Variants in PIDD1 observed in about 807,000 individuals in gnomAD.
PIDD1 encodes the protein p53-induced death domain protein 1.
A neutral mutation model predicts 80.0 loss-of-function variants in PIDD1; 72 were observed. The ratio of observed to expected loss-of-function variants is 0.90; its 90% CI spans 0.74 to 1.09. The LOEUF (loss-of-function observed/expected upper bound fraction) is 1.09, where lower values mean the gene tolerates loss of function less well. PIDD1 is among the 50% of genes least tolerant of loss of function. The pLI is 0.00. For synonymous variants in PIDD1, 655 were observed against 543.5 expected (o/e 1.21, Z -2.85); for missense variants, 1,329 against 1,228.3 (o/e 1.08, Z -1.23).
At chr11:801,178 A>C (rs1342879401) in intron 9 of PIDD1, 40 bp downstream of exon 9, 1 of 1,544,566 alleles carries the variant, frequency 6.5e-7, no homozygotes, top group Non-Finnish European at 8.8e-7. Context: ...CCTCCACCCT[A>C]TGGCCACAGG....
Position 799,909 on chromosome 11 carries a change from T to A in PIDD1, c.2380A>T (p.Ser794Cys), listed in dbSNP as rs1440463494. 1.2e-6 allele frequency: 2 copies of A among 1,612,576 alleles called. No individual in the cohort carries two copies. The highest frequency in any genetic ancestry group is 1.7e-6 in the Non-Finnish European group (2 of 1,179,868). ...TCCAGACCCAGACGCCCAGCCACAC[T>A]CAGCAGGTTGCTCTGCGTCAGAAAG... ...TGFLTQSNLL[S>C]VAGRLGLDWP... Residue 794 changes from serine to cysteine, a missense_variant, in exon 15 of 16, where the codon AGT becomes TGT. Ser to Cys is a moderately radical substitution (Grantham distance 112). Transcript: ENST00000347755.
rs372092455 is a variant in PIDD1, at chr11:803,154, G to A, written c.709+20C>T. 6 of 1,541,880 alleles carry A rather than the reference G, an allele frequency of 3.9e-6. No homozygotes were observed. The African/African-American group carries it at 6.8e-5, about 18-fold the overall frequency. On this transcript the variant is annotated intron_variant, in intron 3 of 15. Transcript: ENST00000347755. Reference sequence around the variant, plus strand: ...GACCCTCCCGTGGGGCCAGTGTGTCGGGGCGCAGGGGCTACTCACCCAGAG... The same window carrying A: ...GACCCTCCCGTGGGGCCAGTGTGTCAGGGCGCAGGGGCTACTCACCCAGAG...
chr11:805,625 A>C, upstream of PIDD1: 2 of 985,372 alleles, frequency 2.0e-6, no homozygotes, highest in Non-Finnish European at 2.4e-6. Context: ...CCCCTGCTAC[A>C]AGCCGGAACA....
upstream of PIDD1, among the ~76,000 whole-genome samples, chr11:806,829 C>T (rs1045714208): frequency 5.9e-5 from 9 of 152,150 alleles, no homozygotes; most frequent in African/African-American, 2.2e-4. Context: ...GTGATCCACC[C>T]GCCTCGGCCT....
chr11:799,407 C>T lies in PIDD1; in HGVS notation c.2633G>A (p.Arg878His), dbSNP rs779799557. The T allele has an allele frequency of 5.0e-6, 8 of 1,611,616 alleles. No individual in the cohort carries two copies. The highest frequency in any genetic ancestry group is 3.3e-5 in the South Asian group (3 of 91,084). The change falls in exon 16 of 16, where the codon CGC becomes CAC. Residue 878 changes from arginine to histidine, a missense_variant. Coordinates refer to ENST00000347755, the MANE Select transcript of PIDD1 (RefSeq NM_145886.4). ...GCGTCGGATGCTGTCCTGGTACTTG[C>T]GGCGGCCGAGCTCCAAGACTGCGCG... ...EVRAVLELGR[R>H]KYQDSIRRMG...
upstream of PIDD1, among the ~76,000 whole-genome samples, chr11:807,078 G>GGCGC (rs1019755799): frequency 2.0e-5 from 3 of 152,046 alleles, no homozygotes; most frequent in Admixed American, 1.3e-4. Context: ...TGTAATCCCA[G>GGCGC]CTACTGGGGA....
Position 804,197 on chromosome 11 carries a change from C to T in PIDD1, c.192G>A (p.Val64=). ...CGTGAGTGCTCAGACGCAAGAATTC[C>T]ACCTGCAGCAGCTGCAGAGGCTGCT... is the stretch of plus-strand genomic sequence containing the variant. ...CVQQPLQLLQ[V]EFLRLSTHED... Residue 64 remains valine (V), a synonymous_variant, in exon 2 of 16, where the codon GTG becomes GTA. Coordinates refer to ENST00000347755, the MANE Select transcript of PIDD1 (RefSeq NM_145886.4). The T allele has an allele frequency of 1.2e-6, 2 of 1,613,324 alleles. No individual in the cohort carries two copies. Among genetic ancestry groups the T allele is most frequent in the Non-Finnish European group, 8.5e-7 (1 of 1,179,934 alleles).
Position 803,316 on chromosome 11 carries a change from T to G in PIDD1, c.567A>C (p.Ala189=). The change falls in exon 3 of 16, where the codon GCA becomes GCC. Residue 189 remains alanine, a synonymous_variant. Transcript: ENST00000347755. ...GCTGCAGGGTGGATAGGGCCCCCAG[T>G]GCTGGGGGCAGCGTCTGCAGGCGGT... ...THNRLQTLPP[A]LGALSTLQRL... 1 of 1,613,416 alleles carries G rather than the reference T, an allele frequency of 6.2e-7. No individual in the cohort carries two copies. Among genetic ancestry groups the G allele is most frequent in the Non-Finnish European group, 8.5e-7 (1 of 1,179,590 alleles).
Position 799,564 on chromosome 11 carries a change from C to A in PIDD1, c.2476G>T (p.Asp826Tyr), listed in dbSNP as rs894706181. ...EVQRIRHEFR[D>Y]DLDEQIRHML... ...TGACGGATCTGCTCATCCAGATCAT[C>A]CCTGCAGGCAGAGGATGGGCGACAG... The change falls in exon 16 of 16, where the codon GAT becomes TAT. Residue 826 changes from aspartate to tyrosine, a missense_variant and splice_region_variant. Coordinates refer to ENST00000347755, the MANE Select transcript of PIDD1 (RefSeq NM_145886.4). The A allele has an allele frequency of 4.4e-6, 7 of 1,593,848 alleles. No homozygotes were observed. Among genetic ancestry groups the A allele is most frequent in the Admixed American group, 1.7e-5 (1 of 59,664 alleles).
At chr11:801,692 G>T in intron 7 of PIDD1, 68 bp from the exon 8 acceptor site, 1 of 1,358,490 alleles carries the variant, frequency 7.4e-7, no homozygotes, top group Non-Finnish European at 1.0e-6. Flanking sequence ...GACACAGGGA[G>T]CAGGATCCAG....
chr11:799,346 G>C lies in PIDD1; in HGVS notation c.2694C>G (p.Gly898=), dbSNP rs1297291206. 6 of 1,609,874 alleles carry C rather than the reference G, an allele frequency of 3.7e-6. No homozygotes were observed. The East Asian group carries it at 1.3e-4, about 36-fold the overall frequency. Residue 898 remains glycine (G), a synonymous_variant, in exon 16 of 16, where the codon GGC becomes GGG. Transcript: ENST00000347755. The stretch of plus-strand genomic sequence containing the variant: ...GCTCTGGGGGCTGTGGAGCCGAGGA[G>C]CCAGGCAGAGCGGGGTCCTTGGGGG... ...GLAPKDPALP[G]SSAPQPPEPA... is the part of the protein sequence containing the mutation.
At chr11:808,996 G>T (rs1865923151), upstream of PIDD1, among the ~76,000 whole-genome samples, 1 of 152,192 alleles carries the variant, frequency 6.6e-6, no homozygotes, top group Non-Finnish European at 1.5e-5. Flanking sequence ...GGCAGGGATG[G>T]CTCCTTCTCA....
In PIDD1 at chr11:802,346, C is replaced by T. The variant is rs375189720; in HGVS notation, c.1025G>A (p.Arg342His). Residue 342 changes from arginine (R) to histidine (H), a missense_variant, in exon 6 of 16, where the codon CGC becomes CAC. Arg to His is a conservative substitution (Grantham distance 29, BLOSUM62 0). Transcript: ENST00000347755. ...GGTGGCTCCCGCTGGGAACTGCAGG[C>T]GGACGCCACAGGCCAGGGTCACTGA... is the stretch of plus-strand genomic sequence containing the variant. ...GCSVTLACGV[R>H]LQFPAGATAT... 5.2e-5 allele frequency: 84 copies of T among 1,611,684 alleles called. No homozygotes were observed. Among genetic ancestry groups the T allele is most frequent in the African/African-American group, 1.1e-4 (8 of 74,988 alleles).
chr11:804,391 C>G lies in PIDD1; in HGVS notation c.-3G>C. 1 of 1,583,684 alleles carries G rather than the reference C, an allele frequency of 6.3e-7. No homozygotes were observed. On this transcript the variant is annotated 5_prime_UTR_variant, in exon 2 of 16. Coordinates refer to ENST00000347755, the MANE Select transcript of PIDD1 (RefSeq NM_145886.4). ...GGCCCCTCCACCGTTGCAGCCATCG[C>G]CCACCGACGGTCCTTGGAGGCCAGA...
chr11:806,309 G>A (rs553507183), upstream of PIDD1, among the ~76,000 whole-genome samples: 8 of 149,300 alleles, frequency 5.4e-5, no homozygotes, highest in Non-Finnish European at 8.9e-5. Flanking sequence ...TCTTTCCTGA[G>A]GTCATATCAG....
chr11:802,118 G>T (rs776643217), intron 6 of PIDD1, 28 bp from the exon 7 acceptor site: 1 of 1,566,708 alleles, frequency 6.4e-7, no homozygotes, highest in Non-Finnish European at 8.6e-7. Flanking sequence ...TGTGAGCACT[G>T]GAGCCATGCC....
At chr11:807,500 G>A (rs1334699842), upstream of PIDD1, among the ~76,000 whole-genome samples, 8 of 150,344 alleles carry the variant, frequency 5.3e-5, no homozygotes, top group East Asian at 2.0e-4. Flanking sequence ...AAAATAGGCC[G>A]GGCGTGGTGG....
In PIDD1 at chr11:804,335, A is replaced by T. The variant is rs1473337359; in HGVS notation, c.54T>A (p.Asp18Glu). Reference sequence around the variant, plus strand: ...ACCCTGCGTCCGAATCCTCTGAAGCATCTCCTGCGGCAGCAGCTGCCTCCA... The same window carrying T: ...ACCCTGCGTCCGAATCCTCTGAAGCTTCTCCTGCGGCAGCAGCTGCCTCCA... ...PELEAAAAAG[D>E]ASEDSDAGSR... Residue 18 changes from aspartate to glutamate, a missense_variant, in exon 2 of 16, where the codon GAT becomes GAA. By Grantham distance (45) the Asp-to-Glu change is conservative. Transcript: ENST00000347755. 4 of 1,610,646 alleles carry T rather than the reference A, an allele frequency of 2.5e-6. No homozygotes were observed.
At chr11:803,050 G>A (rs914404218) in intron 3 of PIDD1, 124 bp downstream of exon 3, 15 of 952,116 alleles carry the variant, frequency 1.6e-5, no homozygotes, top group Admixed American at 2.4e-5. Context: ...GGCCAGGGAG[G>A]TGGAGGGACA....
Sources: gnomAD v4.1 joint callset for allele counts (sites outside exome capture counted in the v4.1 genomes callset) on GRCh38, gnomAD v4.1.1 for gene constraint, MANE v1.5 for transcripts, NCBI Gene and HGNC (gene_info 2026-07-23, HGNC 2026-07-21) for gene names.